Variants in SLC36A1 observed in about 807,000 individuals in gnomAD.
SLC36A1 encodes the protein proton-coupled amino acid transporter 1.
A neutral mutation model predicts 47.5 loss-of-function variants in SLC36A1; 30 were observed. The observed-to-expected ratio is 0.63, with a 90% CI of 0.47 to 0.86. SLC36A1 has a LOEUF of 0.86. Ranked by LOEUF, SLC36A1 falls within the 40% of genes least tolerant of loss-of-function variation. The pLI is 0.00. For missense variants in SLC36A1, 517 were observed against 606.0 expected (o/e 0.85, Z 1.54); for synonymous variants, 255 against 249.7 (o/e 1.02, Z -0.20).
chr5:151,529,387 G>A, the SLC36A1 span: 2 of 1,613,622 alleles, frequency 1.2e-6, no homozygotes, highest in East Asian at 4.5e-5. Flanking sequence ...TTGACATACA[G>A]GATCCCTGAA....
intron 1 of SLC36A1, among the ~76,000 whole-genome samples, chr5:151,455,770 C>T (rs1385737758): frequency 6.6e-6 from 1 of 152,166 alleles, no homozygotes; most frequent in Non-Finnish European, 1.5e-5. Context: ...GTGCGTCCTT[C>T]GGCCTTTGTT....
the SLC36A1 span, chr5:151,553,423 G>A: frequency 1.3e-6 from 2 of 1,595,960 alleles, no homozygotes; most frequent in Admixed American, 3.4e-5. Context: ...GAGGTTTGGG[G>A]CCAAGAGACA....
At chr5:151,523,911 G>T in the SLC36A1 span, among the ~76,000 whole-genome samples, 1 of 152,148 alleles carries the variant, frequency 6.6e-6, no homozygotes, top group Non-Finnish European at 1.5e-5. Context: ...AAGTCTTCAT[G>T]GGAGCCAACA....
chr5:151,551,527 TCTC>T, the SLC36A1 span: 11 of 1,614,188 alleles, frequency 6.8e-6, no homozygotes, highest in Non-Finnish European at 7.6e-6. Flanking sequence ...AGTTCGACCT[TCTC>T]CTGGTATCAA....
rs1759802443 is a variant in SLC36A1 at position 151,488,086 on chromosome 5, C to T, written c.1263C>T (p.Val421=). ...TCATCATCCCACCGCTCCTGGAGGTCACCACCTTCTACTCAGAGGGCATGA... is the reference window on the plus strand; with the variant it reads ...TCATCATCCCACCGCTCCTGGAGGTTACCACCTTCTACTCAGAGGGCATGA... The part of the protein sequence containing the change: ...LALIIPPLLE[V]TTFYSEGMSP... Residue 421 remains valine (V), a synonymous_variant, in exon 11 of 11, where the codon GTC becomes GTT. Coordinates refer to ENST00000243389, the MANE Select transcript of SLC36A1 (RefSeq NM_078483.4). 1.2e-6 allele frequency: 2 copies of T among 1,614,182 alleles called. No individual in the cohort carries two copies. The highest frequency in any genetic ancestry group is 2.2e-5 in the South Asian group (2 of 91,086).
the SLC36A1 span, chr5:151,545,778 G>T: frequency 6.2e-7 from 1 of 1,614,164 alleles, no homozygotes. Flanking sequence ...TCACAAAGGG[G>T]TTGTTGTTTT....
the SLC36A1 span, among the ~76,000 whole-genome samples, chr5:151,509,135 A>T: frequency 7.2e-5 from 11 of 152,182 alleles, no homozygotes; most frequent in Non-Finnish European, 8.8e-5. Context: ...CACCTGCCCA[A>T]GTGGAACCAT....
At chr5:151,528,678 G>C in the SLC36A1 span, among the ~76,000 whole-genome samples, 1 of 152,162 alleles carries the variant, frequency 6.6e-6, no homozygotes, top group Admixed American at 6.5e-5. Context: ...AGGGAGTGGA[G>C]GGAGAGACTG....
At chr5:151,555,269 GT>G in the SLC36A1 span, among the ~76,000 whole-genome samples, 3 of 151,330 alleles carry the variant, frequency 2.0e-5, no homozygotes, top group Non-Finnish European at 4.4e-5. Context: ...ACACTTTGGT[GT>G]TTAAAGGTAA....
the SLC36A1 span, chr5:151,507,219 G>A: frequency 6.2e-6 from 10 of 1,613,262 alleles, no homozygotes; most frequent in Non-Finnish European, 7.6e-6. Flanking sequence ...AGGGACCGCA[G>A]CTGGCGGGAG....
At chr5:151,415,009 G>C in the SLC36A1 span, among the ~76,000 whole-genome samples, 1 of 152,062 alleles carries the variant, frequency 6.6e-6, no homozygotes, top group East Asian at 1.9e-4. Context: ...GAGCCTTTGC[G>C]TCAAGGTATG....
chr5:151,361,947 A>G, the SLC36A1 span, among the ~76,000 whole-genome samples: 1 of 152,104 alleles, frequency 6.6e-6, no homozygotes, highest in Non-Finnish European at 1.5e-5. Flanking sequence ...TGCAAGATGA[A>G]CTGAAGCTCC....
chr5:151,505,704 C>T, the SLC36A1 span: 18 of 1,613,998 alleles, frequency 1.1e-5, no homozygotes, highest in East Asian at 2.2e-5. Context: ...GGGCCCAGCT[C>T]GGCTGAGGCG....
chr5:151,420,868 C>G, the SLC36A1 span, among the ~76,000 whole-genome samples: 9 of 144,134 alleles, frequency 6.2e-5, no homozygotes, highest in African/African-American at 2.3e-4. Flanking sequence ...TTCTTTCTTT[C>G]TCTTTCTTTC....
upstream of SLC36A1, among the ~76,000 whole-genome samples, chr5:151,436,873 C>T (rs145949356): frequency 2.6e-3 from 402 of 152,194 alleles, 6 homozygotes; most frequent in African/African-American, 9.3e-3. Flanking sequence ...ACGGGACCTG[C>T]TAGTAAGTGG....
At chr5:151,466,908 A>G (rs73796596) in intron 5 of SLC36A1, among the ~76,000 whole-genome samples, 2,272 of 152,194 alleles carry the variant, frequency 0.015, 63 homozygotes, top group East Asian at 0.13. Context: ...GGCACCTAGC[A>G]TGGTTTCTTC....
intron 10 of SLC36A1, among the ~76,000 whole-genome samples, chr5:151,483,560 G>C (rs78348197): frequency 0.055 from 8,156 of 149,382 alleles, 275 homozygotes; most frequent in African/African-American, 0.087. Flanking sequence ...GCTGTTCCTG[G>C]CTGGCTGCTT....
At chr5:151,409,054 A>G in the SLC36A1 span, among the ~76,000 whole-genome samples, 1 of 143,884 alleles carries the variant, frequency 7.0e-6, no homozygotes, top group African/African-American at 2.6e-5. Flanking sequence ...GCTGGAGTGC[A>G]GTGGTGTGAT....
chr5:151,538,774 T>G, the SLC36A1 span, among the ~76,000 whole-genome samples: 4 of 152,126 alleles, frequency 2.6e-5, no homozygotes, highest in African/African-American at 9.7e-5. Flanking sequence ...TCCTCCCAAA[T>G]TCAAACCATC....
Sources: allele counts gnomAD v4.1 joint callset (sites outside exome capture counted in the v4.1 genomes callset), GRCh38; gene constraint gnomAD v4.1.1; transcripts MANE v1.5; gene names NCBI Gene and HGNC (gene_info 2026-07-23, HGNC 2026-07-21).